The following ARL14EPL variants were observed in gnomAD, a reference collection of about 807,000 sequenced individuals.
ARL14EPL encodes the protein ARF like GTPase 14 effector protein like, also known as ARL14 effector protein-like.
In ARL14EPL, 17 loss-of-function variants were observed where a neutral mutation model predicts 15.9. That is an observed-to-expected ratio of 1.07 (90% CI 0.73 to 1.60). The LOEUF (loss-of-function observed/expected upper bound fraction) is 1.60, where lower values mean the gene tolerates loss of function less well. Among genes scored for constraint, ARL14EPL ranks in the 40% most tolerant of loss-of-function variants. The pLI, the probability that ARL14EPL is intolerant of heterozygous loss-of-function variation, is 0.00. For synonymous variants in ARL14EPL, 78 were observed against 63.8 expected, an observed-to-expected ratio of 1.22 and a Z score of -1.06; for missense variants, 214 against 185.9, an observed-to-expected ratio of 1.15 and a Z score of -0.88.
At chr5:116,047,704 G>T (rs1749299677) in intron 1 of ARL14EPL, among the ~76,000 whole-genome samples, 1 of 152,194 alleles carries the variant, frequency 6.6e-6, no homozygotes, top group Non-Finnish European at 1.5e-5. Context: ...TCTGGAATGG[G>T]TCTTATGACC....
At chr5:116,051,705 TC>T in intron 2 of ARL14EPL, 144 bp downstream of exon 2, 1 of 762,472 alleles carries the variant, frequency 1.3e-6, no homozygotes, top group Non-Finnish European at 2.1e-6. Context: ...GATAGAGCTT[TC>T]CCTCCTCCCC....
At chr5:116,046,897 C>G (rs1435547151) in intron 1 of ARL14EPL, among the ~76,000 whole-genome samples, 2 of 152,072 alleles carry the variant, frequency 1.3e-5, no homozygotes, top group East Asian at 3.9e-4. Flanking sequence ...TAAATGAGGT[C>G]CTAGGGTGTG....
At chr5:116,046,502 A>C (rs933481875) in intron 1 of ARL14EPL, among the ~76,000 whole-genome samples, 9 of 152,134 alleles carry the variant, frequency 5.9e-5, no homozygotes, top group Non-Finnish European at 1.3e-4. Flanking sequence ...AGTGAGTGTG[A>C]AGATAGAGGT....
intron 3 of ARL14EPL, 131 bp downstream of exon 3, chr5:116,054,284 A>G (rs1024659015): frequency 9.4e-6 from 10 of 1,063,834 alleles, no homozygotes; most frequent in Admixed American, 9.1e-5. Context: ...ATATAATAGT[A>G]CCCATGTGTC....
intron 1 of ARL14EPL, among the ~76,000 whole-genome samples, chr5:116,046,775 A>G (rs1580413821): frequency 6.6e-6 from 1 of 152,286 alleles, no homozygotes; most frequent in Middle Eastern, 3.4e-3. Context: ...GGGTAATTTC[A>G]TCTGTATATG....
intron 2 of ARL14EPL, 105 bp from the exon 3 acceptor site, chr5:116,053,909 C>A: frequency 1.1e-6 from 1 of 935,124 alleles, no homozygotes; most frequent in Non-Finnish European, 1.5e-6. Context: ...AACATATATA[C>A]TTTCATGCCT....
At chr5:116,057,047 T>G (rs564531847) in intron 3 of ARL14EPL, among the ~76,000 whole-genome samples, 2 of 152,268 alleles carry the variant, frequency 1.3e-5, no homozygotes, top group South Asian at 4.1e-4. Context: ...GCAAACCAAA[T>G]CCAGCAGCAT....
Position 116,058,830 on chromosome 5 carries a change from G to A in ARL14EPL, c.342G>A (p.Lys114=), listed in dbSNP as rs1469167881. 4.6e-6 allele frequency: 7 copies of A among 1,536,112 alleles called. No homozygotes were observed. The highest frequency in any genetic ancestry group is 2.4e-5 in the South Asian group (2 of 84,058). Residue 114 remains lysine (K), a synonymous_variant, in exon 4 of 4, where the codon AAG becomes AAA. Transcript: ENST00000686077. ...TGGGCTGCTTCTACCCATGCCCGAA[G>A]TGTAACTCCAACAAGTGTGGGCCCG... ...NCLGCFYPCP[K]CNSNKCGPEC... is the part of the protein sequence containing the mutation.
chr5:116,041,911 C>T (rs979089778), intron 1 of ARL14EPL, among the ~76,000 whole-genome samples: 7 of 152,166 alleles, frequency 4.6e-5, no homozygotes, highest in African/African-American at 1.7e-4. Flanking sequence ...TCACTGCAGC[C>T]TCAACTTCCC....
intron 3 of ARL14EPL, 28 bp from the exon 4 acceptor site, chr5:116,058,697 A>G: frequency 6.6e-7 from 1 of 1,526,044 alleles, no homozygotes; most frequent in Non-Finnish European, 8.8e-7. Flanking sequence ...TTGCACTGTC[A>G]TCTTAATGTC....
At chr5:116,042,216 G>A (rs1276717626) in intron 1 of ARL14EPL, among the ~76,000 whole-genome samples, 1 of 152,168 alleles carries the variant, frequency 6.6e-6, no homozygotes. Flanking sequence ...ACAGTGCCTT[G>A]AGTACTTGTG....
chr5:116,053,820 G>C (rs1161098242), intron 2 of ARL14EPL, among the ~76,000 whole-genome samples, 194 bp from the exon 3 acceptor site: 5 of 152,186 alleles, frequency 3.3e-5, no homozygotes, highest in African/African-American at 1.2e-4. Context: ...TCTTTATTCA[G>C]AAAGAATGGC....
At chr5:116,051,991 C>T (rs1749392831) in intron 2 of ARL14EPL, 1 of 1,611,678 alleles carries the variant, frequency 6.2e-7, no homozygotes, top group South Asian at 1.1e-5. Context: ...GCTTTGAAAC[C>T]AGTTTGATAA....
At chr5:116,045,745 AGTGTGT>A (rs56960751) in intron 1 of ARL14EPL, among the ~76,000 whole-genome samples, 8,452 of 148,702 alleles carry the variant, frequency 0.057, 570 homozygotes, top group Admixed American at 0.14. Context: ...GACCCACAGA[AGTGTGT>A]GTGTGTGTGT....
At chr5:116,046,361 T>C (rs1235854577) in intron 1 of ARL14EPL, among the ~76,000 whole-genome samples, 1 of 152,142 alleles carries the variant, frequency 6.6e-6, no homozygotes, top group African/African-American at 2.4e-5. Flanking sequence ...AAATACTCAC[T>C]CTACCCCATG....
At chr5:116,036,301 C>T (rs1290292277) in intron 1 of ARL14EPL, among the ~76,000 whole-genome samples, 1 of 152,164 alleles carries the variant, frequency 6.6e-6, no homozygotes, top group African/African-American at 2.4e-5. Context: ...TGAGAAGCCT[C>T]TCTGAAAGCT....
chr5:116,058,858 T>A lies in ARL14EPL; in HGVS notation c.370T>A (p.Cys124Ser). Reference protein sequence around the residue: ...KCNSNKCGPECRCNRRWVYDA... With the variant: ...KCNSNKCGPESRCNRRWVYDA... Reference sequence around the variant, plus strand: ...TAACTCCAACAAGTGTGGGCCCGAGTGCCGCTGCAACCGACGGTGGGTTTA... The same window carrying A: ...TAACTCCAACAAGTGTGGGCCCGAGAGCCGCTGCAACCGACGGTGGGTTTA... Residue 124 changes from cysteine to serine, a missense_variant, in exon 4 of 4, where the codon TGC becomes AGC. Transcript: ENST00000686077. The A allele has an allele frequency of 6.5e-7, 1 of 1,536,076 alleles. No homozygotes were observed. Among genetic ancestry groups the A allele is most frequent in the Non-Finnish European group, 8.7e-7 (1 of 1,146,898 alleles).
chr5:116,047,544 G>C (rs1749295976), intron 1 of ARL14EPL, among the ~76,000 whole-genome samples: 2 of 152,212 alleles, frequency 1.3e-5, no homozygotes, highest in South Asian at 4.1e-4. Flanking sequence ...ACAAGGTATA[G>C]ACAGCTGTGT....
intron 1 of ARL14EPL, among the ~76,000 whole-genome samples, chr5:116,036,710 G>A (rs1397420296): frequency 6.6e-6 from 1 of 152,090 alleles, no homozygotes; most frequent in Non-Finnish European, 1.5e-5. Context: ...ATGCTTACAT[G>A]TCTCCTGAAA....
Sources: allele counts gnomAD v4.1 joint callset (sites outside exome capture counted in the v4.1 genomes callset), GRCh38; gene constraint gnomAD v4.1.1; transcripts MANE v1.5; gene names NCBI Gene and HGNC (gene_info 2026-07-23, HGNC 2026-07-21).